The following SLC9A9 variants were observed in gnomAD, a reference collection of about 807,000 sequenced individuals.
SLC9A9 encodes the protein sodium/hydrogen exchanger 9.
Under a neutral mutation model 77.8 loss-of-function variants are expected in SLC9A9, and 62 were observed. The observed-to-expected ratio is 0.80, with a 90% CI of 0.65 to 0.98. The LOEUF (loss-of-function observed/expected upper bound fraction) is 0.98, where lower values mean the gene tolerates loss of function less well. Among genes scored for constraint, SLC9A9 ranks in the 50% least tolerant of loss-of-function variants. The probability of loss-of-function intolerance (pLI) is 0.00; values close to 1 mark genes in which losing one functional copy is unlikely to be tolerated. For missense variants in SLC9A9, 775 were observed against 774.9 expected (o/e 1.00, Z 0.00); for synonymous variants, 320 against 283.5 (o/e 1.13, Z -1.29).
intron 14 of SLC9A9, among the ~76,000 whole-genome samples, chr3:143,350,606 G>A (rs188277573): frequency 3.3e-5 from 5 of 152,258 alleles, no homozygotes; most frequent in South Asian, 4.1e-4. Context: ...AAGAAAACAC[G>A]TCTGTTGTGT....
intron 7 of SLC9A9, among the ~76,000 whole-genome samples, chr3:143,574,395 C>G (rs549353077): frequency 6.6e-6 from 1 of 152,162 alleles, no homozygotes; most frequent in African/African-American, 2.4e-5. Context: ...GGGGGCTGAA[C>G]GTGCCTGTAA....
chr3:143,723,009 T>G (rs956225368), intron 4 of SLC9A9, among the ~76,000 whole-genome samples: 2 of 152,100 alleles, frequency 1.3e-5, no homozygotes, highest in African/African-American at 4.8e-5. Flanking sequence ...ACTTTCAAAT[T>G]GTCATTTTTC....
At chr3:143,633,178 G>A (rs1309404879) in intron 6 of SLC9A9, among the ~76,000 whole-genome samples, 1 of 152,090 alleles carries the variant, frequency 6.6e-6, no homozygotes, top group Non-Finnish European at 1.5e-5. Context: ...AGGTGATCAG[G>A]ATACAGCATA....
At chr3:143,479,946 C>T (rs2035546398) in intron 11 of SLC9A9, among the ~76,000 whole-genome samples, 1 of 152,192 alleles carries the variant, frequency 6.6e-6, no homozygotes, top group Non-Finnish European at 1.5e-5. Context: ...AAAAGAAACT[C>T]CCATTGTGAG....
Position 143,449,064 on chromosome 3 carries a change from T to TA in SLC9A9, c.1469+17972dup, listed in dbSNP as rs1260088672. ...AATATAATTATATTATATAATTATATAAATATAATTATAATTATATAATTA... is the reference window on the plus strand; with the variant it reads ...AATATAATTATATTATATAATTATATAAAATATAATTATAATTATATAATTA... On this transcript the variant is annotated intron_variant, in intron 12 of 15. Coordinates refer to ENST00000316549, the MANE Select transcript of SLC9A9 (RefSeq NM_173653.4). Among the ~76,000 whole-genome samples the TA allele has an allele frequency of 1.3e-3, 2 of 1,596 alleles. 1 individual carries two copies. The highest frequency in any genetic ancestry group is 1.7e-3 in the Non-Finnish European group (2 of 1,158). The allele number at this position is 1,596 out of a possible 152,430, so 1.0% of individuals were successfully genotyped here.
At chr3:143,318,743 T>C (rs2031312417) in intron 14 of SLC9A9, among the ~76,000 whole-genome samples, 1 of 152,028 alleles carries the variant, frequency 6.6e-6, no homozygotes, top group Non-Finnish European at 1.5e-5. Flanking sequence ...TGCCTGAAGG[T>C]ATAAGACCCC....
At chr3:143,308,195 T>C (rs527397426) in intron 14 of SLC9A9, among the ~76,000 whole-genome samples, 3 of 152,316 alleles carry the variant, frequency 2.0e-5, no homozygotes, top group South Asian at 4.1e-4. Context: ...TAGGCCTCTA[T>C]TGACACGTAT....
At chr3:143,846,728 AAGGT>A (rs1354809421) in intron 1 of SLC9A9, among the ~76,000 whole-genome samples, 1 of 22,518 alleles carries the variant, frequency 4.4e-5, no homozygotes, top group African/African-American at 1.4e-4. Flanking sequence ...ACAGCAAAAA[AAGGT>A]TTTTTTTTTT....
chr3:143,295,009 A>G (rs1406510105), intron 14 of SLC9A9, among the ~76,000 whole-genome samples: 1 of 152,230 alleles, frequency 6.6e-6, no homozygotes, highest in Non-Finnish European at 1.5e-5. Context: ...ATTTGGCATT[A>G]GTGATTTAGA....
intron 8 of SLC9A9, among the ~76,000 whole-genome samples, chr3:143,566,744 C>T (rs2037175868): frequency 1.3e-5 from 2 of 152,062 alleles, no homozygotes; most frequent in Non-Finnish European, 2.9e-5. Context: ...TAGAGCAATG[C>T]CTGGAAGCAG....
rs561753453 is a variant in SLC9A9 at position 143,721,698 on chromosome 3, G to A, written c.534-28391C>T. Among the ~76,000 whole-genome samples the A allele has an allele frequency of 6.6e-5, 10 of 152,264 alleles. No homozygotes were observed. In the South Asian group the frequency reaches 1.2e-3, roughly 19 times the overall value. The stretch of plus-strand genomic sequence containing the variant: ...CACGTCTTTACAGAGTCCCTCACAC[G>A]AGCCTCGGGCAGAAGTGACGGGTAG... On this transcript the variant is annotated intron_variant, in intron 4 of 15. Coordinates refer to ENST00000316549, the MANE Select transcript of SLC9A9 (RefSeq NM_173653.4).
In SLC9A9 at chr3:143,526,088, T is replaced by C. The variant is rs139124650; in HGVS notation, c.1089+26274A>G. ...AGTCATTTTTATAAACAGAAAGATA[T>C]AACTAAATCAAAGCCATCATTGAAA... is the stretch of plus-strand genomic sequence containing the variant. On this transcript the variant is annotated intron_variant, in intron 9 of 15. Transcript: ENST00000316549. 2.4e-3 allele frequency among the ~76,000 whole-genome samples: 372 copies of C among 152,322 alleles called. 1 individual carries two copies. The highest frequency in any genetic ancestry group is 4.1e-3 in the Non-Finnish European group (277 of 68,020).
intron 14 of SLC9A9, among the ~76,000 whole-genome samples, chr3:143,361,860 T>G (rs2032764617): frequency 6.6e-6 from 1 of 152,252 alleles, no homozygotes; most frequent in Non-Finnish European, 1.5e-5. Flanking sequence ...AAGTTTTTTT[T>G]CACTTTATTC....
intron 11 of SLC9A9, among the ~76,000 whole-genome samples, chr3:143,479,269 A>G (rs1307324257): frequency 3.9e-5 from 6 of 152,122 alleles, no homozygotes; most frequent in Non-Finnish European, 7.3e-5. Flanking sequence ...TTATTTTTAG[A>G]GACAGGGTCT....
chr3:143,386,999 C>T (rs1245525306), intron 12 of SLC9A9, among the ~76,000 whole-genome samples: 1 of 152,168 alleles, frequency 6.6e-6, no homozygotes, highest in African/African-American at 2.4e-5. Context: ...CGCCACCACA[C>T]CCAGCTGATT....
intron 1 of SLC9A9, among the ~76,000 whole-genome samples, chr3:143,837,178 T>C (rs2009588760): frequency 6.6e-6 from 1 of 152,214 alleles, no homozygotes; most frequent in Non-Finnish European, 1.5e-5. Flanking sequence ...AACACTATAA[T>C]TGTGTCCAGA....
At chr3:143,467,751 G>C (rs1188806856) in intron 11 of SLC9A9, among the ~76,000 whole-genome samples, 1 of 151,664 alleles carries the variant, frequency 6.6e-6, no homozygotes, top group African/African-American at 2.4e-5. Flanking sequence ...GAGAGAGAGA[G>C]AGAGAGACAG....
intron 9 of SLC9A9, among the ~76,000 whole-genome samples, chr3:143,540,223 A>G (rs746540025): frequency 2.0e-5 from 3 of 152,140 alleles, no homozygotes; most frequent in Non-Finnish European, 4.4e-5. Context: ...CAACAATAAC[A>G]TTGTTCAAGT....
chr3:143,585,724 GC>G (rs1368824439), intron 6 of SLC9A9, among the ~76,000 whole-genome samples: 2 of 152,112 alleles, frequency 1.3e-5, no homozygotes, highest in African/African-American at 4.8e-5. Context: ...AGAACACTGG[GC>G]TGGGTGGGCT....
Sources: gnomAD v4.1 joint callset for allele counts (sites outside exome capture counted in the v4.1 genomes callset) on GRCh38, gnomAD v4.1.1 for gene constraint, MANE v1.5 for transcripts, NCBI Gene and HGNC (gene_info 2026-07-23, HGNC 2026-07-21) for gene names.